ELOVL6: variants seen among roughly 807,000 people sequenced by gnomAD.
The protein encoded by ELOVL6 is ELOVL fatty acid elongase 6, also known as very long chain fatty acid elongase 6.
ELOVL6 carries 8 observed loss-of-function variants against 31.7 expected under a neutral mutation model. That is an observed-to-expected ratio of 0.25 (90% CI 0.15 to 0.45). The LOEUF is 0.45. ELOVL6 is among the 20% of genes least tolerant of loss of function. The probability of loss-of-function intolerance (pLI) is 1.00; values close to 1 mark genes in which losing one functional copy is unlikely to be tolerated. For synonymous variants in ELOVL6, 101 were observed against 117.7 expected, an observed-to-expected ratio of 0.86 and a Z score of 0.92; for missense variants, 126 against 326.4, an observed-to-expected ratio of 0.39 and a Z score of 4.73.
At chr4:110,128,431 A>C (rs1054679830) in intron 1 of ELOVL6, among the ~76,000 whole-genome samples, 3 of 152,210 alleles carry the variant, frequency 2.0e-5, no homozygotes, top group Non-Finnish European at 2.9e-5. Flanking sequence ...GATTTGTGAT[A>C]TATAAAGATC....
intron 1 of ELOVL6, among the ~76,000 whole-genome samples, chr4:110,196,572 T>A (rs1435109875): frequency 6.6e-6 from 1 of 152,170 alleles, no homozygotes; most frequent in Admixed American, 6.5e-5. Context: ...CCAACCTCCT[T>A]CCGGACCCAC....
intron 1 of ELOVL6, among the ~76,000 whole-genome samples, chr4:110,136,622 A>T (rs1757819907): frequency 6.6e-6 from 1 of 152,204 alleles, no homozygotes; most frequent in Admixed American, 6.5e-5. Context: ...GCCCCTGATT[A>T]TACCAGCTGC....
At chr4:110,077,624 C>A (rs970802587) in intron 2 of ELOVL6, among the ~76,000 whole-genome samples, 1 of 152,134 alleles carries the variant, frequency 6.6e-6, no homozygotes, top group Non-Finnish European at 1.5e-5. Context: ...GTAGATAAAA[C>A]CACAAAGACG....
intron 2 of ELOVL6, among the ~76,000 whole-genome samples, chr4:110,073,237 A>T (rs1320661457): frequency 6.6e-6 from 1 of 152,202 alleles, no homozygotes; most frequent in Non-Finnish European, 1.5e-5. Flanking sequence ...TAGCGGGCAC[A>T]CACTGGACTG....
chr4:110,197,821 G>A, intron 1 of ELOVL6: 1 of 196,954 alleles, frequency 5.1e-6, no homozygotes, highest in South Asian at 8.3e-5. Context: ...CAGGAGACAA[G>A]GTCCTCCCTC....
intron 1 of ELOVL6, among the ~76,000 whole-genome samples, chr4:110,185,743 T>C (rs1430885669): frequency 2.6e-5 from 4 of 152,170 alleles, no homozygotes; most frequent in African/African-American, 4.8e-5. Flanking sequence ...AACCTGTCTT[T>C]CAGGTCAATA....
At chr4:110,171,983 C>T (rs1459159101) in intron 1 of ELOVL6, among the ~76,000 whole-genome samples, 1 of 152,040 alleles carries the variant, frequency 6.6e-6, no homozygotes, top group African/African-American at 2.4e-5. Flanking sequence ...GCTACTGTGC[C>T]CAGACTTATA....
intron 2 of ELOVL6, among the ~76,000 whole-genome samples, chr4:110,066,332 T>C (rs921817010): frequency 1.3e-5 from 2 of 152,192 alleles, no homozygotes; most frequent in Admixed American, 1.3e-4. Context: ...ACAGTGCCTG[T>C]GATGCAGAAT....
chr4:110,195,747 C>T (rs967303461), intron 1 of ELOVL6, among the ~76,000 whole-genome samples: 1 of 152,126 alleles, frequency 6.6e-6, no homozygotes, highest in Non-Finnish European at 1.5e-5. Context: ...ACGAGTAGTG[C>T]TGGCAATAAA....
At chr4:110,185,625 G>A (rs1759414694) in intron 1 of ELOVL6, among the ~76,000 whole-genome samples, 1 of 152,106 alleles carries the variant, frequency 6.6e-6, no homozygotes, top group South Asian at 2.1e-4. Flanking sequence ...TAGAAAAGAA[G>A]GCCTAGAGAG....
chr4:110,084,455 T>TGATATGTATGATATATCG (rs1756149182), intron 2 of ELOVL6, among the ~76,000 whole-genome samples: 1 of 133,878 alleles, frequency 7.5e-6, no homozygotes, highest in East Asian at 2.1e-4. Context: ...ATCGCATATA[T>TGATATGTATGATATATCG]CATATATGAT....
At chr4:110,095,817 AG>A (rs1756565967) in intron 2 of ELOVL6, among the ~76,000 whole-genome samples, 2 of 152,330 alleles carry the variant, frequency 1.3e-5, no homozygotes, top group South Asian at 4.1e-4. Flanking sequence ...GAACAGGTGT[AG>A]TCAGCTACCT....
intron 1 of ELOVL6, among the ~76,000 whole-genome samples, chr4:110,171,186 T>A (rs1355505495): frequency 6.6e-6 from 1 of 152,120 alleles, no homozygotes; most frequent in East Asian, 1.9e-4. Flanking sequence ...GGCAGGCAGA[T>A]CACCGGAGGT....
chr4:110,171,400 A>G (rs1041357346), intron 1 of ELOVL6, among the ~76,000 whole-genome samples: 1 of 142,702 alleles, frequency 7.0e-6, no homozygotes, highest in Non-Finnish European at 1.5e-5. Flanking sequence ...CAAGAGTGAA[A>G]CTCCATCTCA....
At chr4:110,169,491 C>T (rs941305916) in intron 1 of ELOVL6, among the ~76,000 whole-genome samples, 1 of 151,910 alleles carries the variant, frequency 6.6e-6, no homozygotes, top group African/African-American at 2.4e-5. Context: ...GATCCACACA[C>T]CTCAGCCTCC....
rs182211697 is a variant in ELOVL6 at position 110,081,599 on chromosome 4, G to A, written c.222-21845C>T. Among the ~76,000 whole-genome samples the A allele has an allele frequency of 6.9e-3, 1,038 of 150,868 alleles. 3 individuals are homozygous for A. The highest frequency in any genetic ancestry group is 0.014 in the Admixed American group (205 of 15,174). ...CCTTATACAAAAATTAATTCAAGAT[G>A]GATTAAAGACTTAAATGTTAGACCT... On this transcript the variant is annotated intron_variant, in intron 2 of 3. Coordinates refer to ENST00000302274, the MANE Select transcript of ELOVL6 (RefSeq NM_024090.3).
At chr4:110,120,798 CTTTTTT>C (rs1008949209) in intron 1 of ELOVL6, among the ~76,000 whole-genome samples, 1 of 117,872 alleles carries the variant, frequency 8.5e-6, no homozygotes, top group Non-Finnish European at 1.8e-5. Flanking sequence ...TTTTTCTTTT[CTTTTTT>C]TTTTTTTTTT....
chr4:110,073,985 A>C (rs538159047), intron 2 of ELOVL6, among the ~76,000 whole-genome samples: 13 of 152,330 alleles, frequency 8.5e-5, no homozygotes, highest in Non-Finnish European at 1.8e-4. Flanking sequence ...CCTCAATTAG[A>C]TATTAGGAGA....
At chr4:110,178,472 G>A (rs1030841730) in intron 1 of ELOVL6, among the ~76,000 whole-genome samples, 1 of 151,868 alleles carries the variant, frequency 6.6e-6, no homozygotes, top group Non-Finnish European at 1.5e-5. Flanking sequence ...AACTGGGGAG[G>A]TGAAGGTTGC....
Sources: gnomAD v4.1 joint callset for allele counts (sites outside exome capture counted in the v4.1 genomes callset) on GRCh38, gnomAD v4.1.1 for gene constraint, MANE v1.5 for transcripts, NCBI Gene and HGNC (gene_info 2026-07-23, HGNC 2026-07-21) for gene names.